Variants in AGPAT4 observed in about 807,000 individuals in gnomAD.
AGPAT4 encodes 1-acylglycerol-3-phosphate O-acyltransferase 4.
Under a neutral mutation model 48.0 loss-of-function variants are expected in AGPAT4, and 15 were observed. That is an observed-to-expected ratio of 0.31 (90% confidence interval 0.21 to 0.48). The LOEUF is 0.48. Among genes scored for constraint, AGPAT4 ranks in the 20% least tolerant of loss-of-function variants. The pLI is 0.99. For synonymous variants in AGPAT4, 178 were observed against 198.7 expected (o/e 0.90, Z 0.88); for missense variants, 314 against 482.5 (o/e 0.65, Z 3.27).
chr6:161,183,838 G>A (rs941972036), intron 2 of AGPAT4, among the ~76,000 whole-genome samples: 18 of 151,560 alleles, frequency 1.2e-4, no homozygotes, highest in Non-Finnish European at 2.1e-4. Flanking sequence ...AGCCAGCCTC[G>A]TGGCTCTCTG....
At position 161,165,828 on chromosome 6, in the gene AGPAT4, T is replaced by C. The variant is rs2114979411; in HGVS notation, c.348+420A>G. 1 of 587,430 alleles carries C rather than the reference T, an allele frequency of 1.7e-6. No individual in the cohort carries two copies. Among genetic ancestry groups the C allele is most frequent in the South Asian group, 1.7e-5 (1 of 59,498 alleles). The allele number at this position is 587,430 out of a possible 1,614,324, so 36.4% of individuals were successfully genotyped here. On this transcript the variant is annotated intron_variant, in intron 3 of 8. Coordinates refer to ENST00000320285, the MANE Select transcript of AGPAT4 (RefSeq NM_020133.3). The surrounding 1 kb of genome is among the most constrained non-coding windows in gnomAD (Gnocchi z 5.5). Reference sequence around the variant, plus strand: ...TTCAACGATCAAAATGCAGAGGTGATGTCTGCCTGTTAGCCAAGGAGGCAG... The same window carrying C: ...TTCAACGATCAAAATGCAGAGGTGACGTCTGCCTGTTAGCCAAGGAGGCAG...
chr6:161,213,720 T>C (rs547321047), intron 2 of AGPAT4, among the ~76,000 whole-genome samples: 2 of 152,300 alleles, frequency 1.3e-5, no homozygotes, highest in South Asian at 4.1e-4. Context: ...TTTTCCAGGA[T>C]TGTTCTTTTG....
chr6:161,138,259 A>G lies in AGPAT4; in HGVS notation c.1042+1163T>C, dbSNP rs1034761433. On this transcript the variant is annotated intron_variant, in intron 8 of 8. Coordinates refer to ENST00000320285, the MANE Select transcript of AGPAT4 (RefSeq NM_020133.3). The surrounding 1 kb of genome is among the most constrained non-coding windows in gnomAD (Gnocchi z 4.8). ...TTGTTTTAATATTTTAATTTTTAAC[A>G]CTAAAATACATCTTAATCTTTCAAA... Among the ~76,000 whole-genome samples the G allele has an allele frequency of 1.3e-5, 2 of 152,210 alleles. No homozygotes were observed. Among genetic ancestry groups the G allele is most frequent in the Non-Finnish European group, 2.9e-5 (2 of 68,034 alleles).
At chr6:161,257,078 T>TG (rs1303605897) in intron 1 of AGPAT4, among the ~76,000 whole-genome samples, 1 of 152,144 alleles carries the variant, frequency 6.6e-6, no homozygotes, top group Non-Finnish European at 1.5e-5. Flanking sequence ...ATGTTGGAGA[T>TG]GGGGGGAAAG....
intron 5 of AGPAT4, among the ~76,000 whole-genome samples, chr6:161,151,293 C>T (rs1779586304): frequency 6.6e-6 from 1 of 152,250 alleles, no homozygotes; most frequent in Non-Finnish European, 1.5e-5. Context: ...CCTGTGAGGA[C>T]ATCCCATGTG....
chr6:161,217,028 G>C lies in AGPAT4; in HGVS notation c.178+15008C>G, dbSNP rs1781665366. Among the ~76,000 whole-genome samples the C allele has an allele frequency of 6.6e-6, 1 of 152,180 alleles. No homozygotes were observed. The highest frequency in any genetic ancestry group is 2.4e-5 in the African/African-American group (1 of 41,462). ...TGCTGATGCGGTTCTCATGTTACACGTGTTCTTCACCTTCAGGCTTTCCTG... is the reference window on the plus strand; with the variant it reads ...TGCTGATGCGGTTCTCATGTTACACCTGTTCTTCACCTTCAGGCTTTCCTG... On this transcript the variant is annotated intron_variant, in intron 2 of 8. Transcript: ENST00000320285. The surrounding 1 kb of genome is among the most constrained non-coding windows in gnomAD (Gnocchi z 4.9).
chr6:161,253,932 T>C (rs1782873055), intron 1 of AGPAT4, among the ~76,000 whole-genome samples: 2 of 152,216 alleles, frequency 1.3e-5, no homozygotes, highest in Admixed American at 1.3e-4. Flanking sequence ...CTACAGACAA[T>C]GCAGTAATGA....
intron 3 of AGPAT4, among the ~76,000 whole-genome samples, chr6:161,156,073 C>G (rs529301119): frequency 6.6e-6 from 1 of 152,350 alleles, no homozygotes; most frequent in Admixed American, 6.5e-5. Context: ...GAAACGACAA[C>G]TTTGACAGTG....
At position 161,166,102 on chromosome 6, in the gene AGPAT4, T is replaced by A. The variant is rs1273214742; in HGVS notation, c.348+146A>T. On this transcript the variant is annotated intron_variant, in intron 3 of 8. Transcript: ENST00000320285. This position sits in a 1 kb window ranked among gnomAD's most constrained non-coding sequence, Gnocchi z 6.7. The stretch of plus-strand genomic sequence containing the variant: ...TGTTAAGACTGACTCCCAGCAAGAA[T>A]AAAAAGCAGTTTATTAGGACCATTT... 3.6e-6 allele frequency: 4 copies of A among 1,100,942 alleles called. No homozygotes were observed. The highest frequency in any genetic ancestry group is 5.2e-6 in the Non-Finnish European group (4 of 769,464). The allele number at this position is 1,100,942 out of a possible 1,614,324, so 68.2% of individuals were successfully genotyped here. A position where few individuals can be genotyped will look rare whatever the true frequency, so the allele number is the denominator to read the frequency against.
At position 161,236,881 on chromosome 6, in the gene AGPAT4, G is replaced by A. The variant is rs541414748; in HGVS notation, c.-89-4579C>T. Among the ~76,000 whole-genome samples, 65 of 152,262 alleles carry A rather than the reference G, an allele frequency of 4.3e-4. No individual in the cohort carries two copies. Among genetic ancestry groups the A allele is most frequent in the Non-Finnish European group, 8.5e-4 (58 of 68,018 alleles). On this transcript the variant is annotated intron_variant, in intron 1 of 8. Coordinates refer to ENST00000320285, the MANE Select transcript of AGPAT4 (RefSeq NM_020133.3). This position sits in a 1 kb window ranked among gnomAD's most constrained non-coding sequence, Gnocchi z 5.0. ...TGTGCCACTGCACTCCAGCCTGGGCGACAGAGTGAGACTCCATCTCAAACA... is the reference window on the plus strand; with the variant it reads ...TGTGCCACTGCACTCCAGCCTGGGCAACAGAGTGAGACTCCATCTCAAACA...
chr6:161,146,608 G>A lies in AGPAT4; in HGVS notation c.768-9C>T. On this transcript the variant is annotated splice_polypyrimidine_tract_variant and intron_variant, in intron 6 of 8. Transcript: ENST00000320285. The surrounding 1 kb of genome is among the most constrained non-coding windows in gnomAD (Gnocchi z 7.1). ...CTTCCAGTGGGATCCTCCTGCAAAG[G>A]CAGAGAGCAGCTAGCAGAGAGGAGG... 1 of 1,613,844 alleles carries A rather than the reference G, an allele frequency of 6.2e-7. No homozygotes were observed. Among genetic ancestry groups the A allele is most frequent in the Non-Finnish European group, 8.5e-7 (1 of 1,179,850 alleles).
At position 161,270,246 on chromosome 6, in the gene AGPAT4, C is replaced by T. The variant is rs190479907; in HGVS notation, c.-90+3692G>A. 1.2e-4 allele frequency among the ~76,000 whole-genome samples: 18 copies of T among 152,284 alleles called. No homozygotes were observed. The East Asian group carries it at 3.3e-3, about 28-fold the overall frequency. On this transcript the variant is annotated intron_variant, in intron 1 of 8. Transcript: ENST00000320285. The surrounding 1 kb of genome is among the most constrained non-coding windows in gnomAD (Gnocchi z 5.3). Reference sequence around the variant, plus strand: ...TTGAAGAAAGAGTTCATGCTTTAAGCTTCCTCTTTCCTACAGCCTGGCAGC... The same window carrying T: ...TTGAAGAAAGAGTTCATGCTTTAAGTTTCCTCTTTCCTACAGCCTGGCAGC...
At position 161,138,383 on chromosome 6, in the gene AGPAT4, G is replaced by C. The variant is rs1779145261; in HGVS notation, c.1042+1039C>G. The stretch of plus-strand genomic sequence containing the variant: ...TGGCTCAGTCAGAATGAATGAGCTA[G>C]GTTTATGTGCTGTGACCTGTTTTGG... On this transcript the variant is annotated intron_variant, in intron 8 of 8. Transcript: ENST00000320285. The surrounding 1 kb of genome is among the most constrained non-coding windows in gnomAD (Gnocchi z 4.8). 6.6e-6 allele frequency among the ~76,000 whole-genome samples: 1 copy of C among 152,216 alleles called. No individual in the cohort carries two copies. Among genetic ancestry groups the C allele is most frequent in the African/African-American group, 2.4e-5 (1 of 41,452 alleles).
rs916272978 is a variant in AGPAT4 at position 161,238,107 on chromosome 6, G to A, written c.-89-5805C>T. Among the ~76,000 whole-genome samples, 3 of 152,028 alleles carry A rather than the reference G, an allele frequency of 2.0e-5. No individual in the cohort carries two copies. The highest frequency in any genetic ancestry group is 7.3e-5 in the African/African-American group (3 of 41,376). ...GGGGTTGGGGGGCGGGAGGCAGAAT[G>A]CAGCATAGTTGTTGGAGCTTCCGCT... is the stretch of plus-strand genomic sequence containing the variant. On this transcript the variant is annotated intron_variant, in intron 1 of 8. Transcript: ENST00000320285. This position sits in a 1 kb window ranked among gnomAD's most constrained non-coding sequence, Gnocchi z 5.2.
At chr6:161,248,374 AC>A (rs1782719218) in intron 1 of AGPAT4, among the ~76,000 whole-genome samples, 1 of 152,064 alleles carries the variant, frequency 6.6e-6, no homozygotes, top group Non-Finnish European at 1.5e-5. Flanking sequence ...GGAGATCGAG[AC>A]CATACTGGCT....
rs1782458567 is a variant in AGPAT4, at chr6:161,240,707, T to C, written c.-89-8405A>G. ...CCCAGGAGAAAGGAGGGAGCTGGTG[T>C]CCAGCACACACTACATTCAGATTGC... is the stretch of plus-strand genomic sequence containing the variant. On this transcript the variant is annotated intron_variant, in intron 1 of 8. Coordinates refer to ENST00000320285, the MANE Select transcript of AGPAT4 (RefSeq NM_020133.3). This position sits in a 1 kb window ranked among gnomAD's most constrained non-coding sequence, Gnocchi z 5.5. Among the ~76,000 whole-genome samples, 1 of 152,052 alleles carries C rather than the reference T, an allele frequency of 6.6e-6. No homozygotes were observed. The highest frequency in any genetic ancestry group is 1.5e-5 in the Non-Finnish European group (1 of 68,002).
At chr6:161,248,147 C>T (rs916915545) in intron 1 of AGPAT4, among the ~76,000 whole-genome samples, 1 of 152,072 alleles carries the variant, frequency 6.6e-6, no homozygotes, top group Non-Finnish European at 1.5e-5. Context: ...GCTCCTCAAG[C>T]TGATAAACAA....
At chr6:161,269,490 G>A (rs571458837) in intron 1 of AGPAT4, among the ~76,000 whole-genome samples, 5 of 152,254 alleles carry the variant, frequency 3.3e-5, no homozygotes, top group South Asian at 2.1e-4. Flanking sequence ...AAGTGATACC[G>A]CCAGGGCAGG....
At chr6:161,239,804 C>T (rs1156845960) in intron 1 of AGPAT4, among the ~76,000 whole-genome samples, 1 of 152,158 alleles carries the variant, frequency 6.6e-6, no homozygotes, top group Non-Finnish European at 1.5e-5. Context: ...GGACCCCTAG[C>T]CTCAGTGTGA....
Sources: allele counts gnomAD v4.1 joint callset (sites outside exome capture counted in the v4.1 genomes callset), GRCh38; gene constraint gnomAD v4.1.1; non-coding constraint Gnocchi (gnomAD v3.1); transcripts MANE v1.5; gene names NCBI Gene and HGNC (gene_info 2026-07-23, HGNC 2026-07-21).